The following ABCC3 variants were observed in gnomAD, a reference collection of about 807,000 sequenced individuals.
The protein encoded by ABCC3 is ATP binding cassette subfamily C member 3.
Under a neutral mutation model 165.3 loss-of-function variants are expected in ABCC3, and 121 were observed. That is an observed-to-expected ratio of 0.73 (90% confidence interval 0.63 to 0.85). The LOEUF (loss-of-function observed/expected upper bound fraction) is 0.85, where lower values mean the gene tolerates loss of function less well. ABCC3 is among the 40% of genes least tolerant of loss of function. The pLI, the probability that ABCC3 is intolerant of heterozygous loss-of-function variation, is 0.00. For missense variants in ABCC3, 1,869 were observed against 1,964.1 expected (o/e 0.95, Z 0.92); for synonymous variants, 733 against 810.1 (o/e 0.90, Z 1.62).
chr17:50,669,908 G>C (rs191339177), intron 17 of ABCC3, among the ~76,000 whole-genome samples: 2 of 151,954 alleles, frequency 1.3e-5, no homozygotes, highest in Admixed American at 6.6e-5. Flanking sequence ...TGATCCTCTC[G>C]CCTCAGCCTC....
At chr17:50,644,298 C>A (rs4423465) in intron 1 of ABCC3, among the ~76,000 whole-genome samples, 3 of 118,284 alleles carry the variant, frequency 2.5e-5, no homozygotes, top group African/African-American at 3.4e-5. Context: ...GTGACAGAGC[C>A]AGACTCCGTC....
At chr17:50,676,634 C>T (rs375564636) in intron 23 of ABCC3, 46 bp downstream of exon 23, 111 of 500,040 alleles carry the variant, frequency 2.2e-4, no homozygotes, top group African/African-American at 1.6e-3. Context: ...GTTATTGGGG[C>T]GGGGCAACAC....
chr17:50,667,635 G>A lies in ABCC3; in HGVS notation c.1513G>A (p.Ala505Thr), dbSNP rs200119778. The part of the protein sequence containing the change: ...LNGIKVLKLY[A>T]WEPSFLKQVE... The stretch of plus-strand genomic sequence containing the variant: ...CGGCATCAAGGTGCTGAAGCTGTAC[G>A]CCTGGGAGCCCAGCTTCCTGAAGCA... The change falls in exon 12 of 31, where the codon GCC becomes ACC. Residue 505 changes from alanine (A) to threonine (T), a missense_variant. By Grantham distance (58) the Ala-to-Thr change is moderately conservative. Transcript: ENST00000285238. 1 of 1,614,170 alleles carries A rather than the reference G, an allele frequency of 6.2e-7. No homozygotes were observed. The highest frequency in any genetic ancestry group is 8.5e-7 in the Non-Finnish European group (1 of 1,180,026).
In ABCC3 at chr17:50,660,996, C is replaced by G; in HGVS notation, c.880C>G (p.Pro294Ala). ...DEVLLGARPRPRKPSFLKALL... is the reference protein window; with the variant it reads ...DEVLLGARPRARKPSFLKALL... ...GGTGCTGCTGGGTGCCCGGCCCAGG[C>G]CCCGGAAGCCCTCCTTCCTGAAGGC... Residue 294 changes from proline (P) to alanine (A), a missense_variant, in exon 8 of 31, where the codon CCC becomes GCC. Physicochemically the swap from Pro to Ala is conservative, Grantham distance 27 (BLOSUM62 -1). Coordinates refer to ENST00000285238, the MANE Select transcript of ABCC3 (RefSeq NM_003786.4). 1 of 1,614,040 alleles carries G rather than the reference C, an allele frequency of 6.2e-7. No individual in the cohort carries two copies.
rs141186118 is a variant in ABCC3 at position 50,691,160 on chromosome 17, G to A, written c.4544G>A (p.Gly1515Asp). Residue 1515 changes from glycine to aspartate, a missense_variant, in exon 31 of 31, where the codon GGC (glycine) becomes GAC (aspartate). By Grantham distance (94) the Gly-to-Asp change is moderately conservative. Transcript: ENST00000285238. ...DSPANLIAAR[G>D]IFYGMARDAG... The stretch of plus-strand genomic sequence containing the variant: ...CCAGCCAACCTCATTGCAGCTAGAG[G>A]CATCTTCTACGGGATGGCCAGAGAT... 2 of 1,614,040 alleles carry A rather than the reference G, an allele frequency of 1.2e-6. No individual in the cohort carries two copies. Among genetic ancestry groups the A allele is most frequent in the Admixed American group, 1.7e-5 (1 of 60,006 alleles).
At chr17:50,636,754 G>A (rs747656442) in intron 1 of ABCC3, among the ~76,000 whole-genome samples, 12 of 152,238 alleles carry the variant, frequency 7.9e-5, no homozygotes, top group Non-Finnish European at 1.5e-4. Flanking sequence ...GGACCCCAGA[G>A]TTGGGAAATT....
chr17:50,650,934 G>A (rs935205338), intron 1 of ABCC3, among the ~76,000 whole-genome samples: 6 of 151,354 alleles, frequency 4.0e-5, no homozygotes, highest in South Asian at 2.1e-4. Flanking sequence ...GCGTGGTGGC[G>A]GGCACCTGTA....
rs1242034050 is a variant in ABCC3, at chr17:50,660,996, C to A, written c.880C>A (p.Pro294Thr). 2 of 1,614,040 alleles carry A rather than the reference C, an allele frequency of 1.2e-6. No individual in the cohort carries two copies. Among genetic ancestry groups the A allele is most frequent in the Admixed American group, 1.7e-5 (1 of 60,026 alleles). The part of the protein sequence containing the change: ...DEVLLGARPR[P>T]RKPSFLKALL... The stretch of plus-strand genomic sequence containing the variant: ...GGTGCTGCTGGGTGCCCGGCCCAGG[C>A]CCCGGAAGCCCTCCTTCCTGAAGGC... Residue 294 changes from proline (P) to threonine (T), a missense_variant, in exon 8 of 31, where the codon CCC becomes ACC. By Grantham distance (38) the Pro-to-Thr change is conservative. Transcript: ENST00000285238.
Position 50,657,063 on chromosome 17 carries a change from G to A in ABCC3, c.366G>A (p.Leu122=), listed in dbSNP as rs778793207. 1.2e-6 allele frequency: 2 copies of A among 1,613,956 alleles called. No homozygotes were observed. Among genetic ancestry groups the A allele is most frequent in the Non-Finnish European group, 1.7e-6 (2 of 1,179,926 alleles). ...CTGCACAGCTGCTGGCCACCCTGCT[G>A]ATACAGTATGAGCGGCTGCAGGGCG... ...VGVTMLLATL[L]IQYERLQGVQ... Residue 122 remains leucine (L), a synonymous_variant, in exon 4 of 31, where the codon CTG becomes CTA. Coordinates refer to ENST00000285238, the MANE Select transcript of ABCC3 (RefSeq NM_003786.4).
At chr17:50,657,975 T>C in intron 4 of ABCC3, 107 bp from the exon 5 acceptor site, 1 of 1,510,940 alleles carries the variant, frequency 6.6e-7, no homozygotes, top group Non-Finnish European at 9.0e-7. Flanking sequence ...CCCCAGGTGC[T>C]GCCTCCTGCC....
chr17:50,678,029 C>T, intron 24 of ABCC3, 64 bp from the exon 25 acceptor site: 1 of 1,614,014 alleles, frequency 6.2e-7, no homozygotes, highest in Non-Finnish European at 8.5e-7. Flanking sequence ...CCTCCTTTCC[C>T]CTAAGCAGAA....
chr17:50,687,758 G>T (rs758391849), intron 30 of ABCC3, 28 bp downstream of exon 30: 1 of 1,604,582 alleles, frequency 6.2e-7, no homozygotes, highest in Admixed American at 1.7e-5. Context: ...GAGCAATGGG[G>T]AACCTGGTGG....
chr17:50,673,980 C>CTTTCTTTCCTTCCTTCCT (rs1967725765), intron 19 of ABCC3, among the ~76,000 whole-genome samples: 1 of 9,408 alleles, frequency 1.1e-4, no homozygotes, highest in Non-Finnish European at 1.8e-4. Context: ...TTCTTTCTTT[C>CTTTCTTTCCTTCCTTCCT]TCTCTCTCTC....
intron 20 of ABCC3, 37 bp downstream of exon 20, chr17:50,675,513 G>A (rs1453718344): frequency 6.3e-7 from 1 of 1,599,600 alleles, no homozygotes; most frequent in African/African-American, 1.3e-5. Flanking sequence ...CCCGGAGGCT[G>A]TATCAGGCCT....
chr17:50,689,241 G>A (rs1968075738), intron 30 of ABCC3, among the ~76,000 whole-genome samples: 1 of 152,358 alleles, frequency 6.6e-6, no homozygotes, highest in East Asian at 1.9e-4. Flanking sequence ...CCTGGGAAAT[G>A]ACAGTGTCCT....
chr17:50,637,867 C>T (rs757795878), intron 1 of ABCC3, among the ~76,000 whole-genome samples: 15 of 152,088 alleles, frequency 9.9e-5, no homozygotes, highest in East Asian at 3.9e-4. Context: ...GTAGGGCTGT[C>T]GGGCCAGTGG....
At chr17:50,678,614 CA>C (rs1967874629) in intron 25 of ABCC3, among the ~76,000 whole-genome samples, 1 of 152,082 alleles carries the variant, frequency 6.6e-6, no homozygotes, top group Non-Finnish European at 1.5e-5. Flanking sequence ...GCTGGAGAAA[CA>C]AAATGTTTTA....
rs1254073242 is a variant in ABCC3 at position 50,678,114 on chromosome 17, G to T, written c.3600G>T (p.Glu1200Asp). Residue 1200 changes from glutamate (E) to aspartate (D), a missense_variant, in exon 25 of 31, where the codon GAG (glutamate) becomes GAT (aspartate). Glu to Asp is a conservative substitution (Grantham distance 45). Coordinates refer to ENST00000285238, the MANE Select transcript of ABCC3 (RefSeq NM_003786.4). ...ISNRWLSIGV[E>D]FVGNCVVLFA... ...ATAGGTGGCTGAGCATCGGAGTGGA[G>T]TTCGTGGGGAACTGCGTGGTGCTCT... 1 of 1,595,846 alleles carries T rather than the reference G, an allele frequency of 6.3e-7. No homozygotes were observed.
At chr17:50,652,255 C>G (rs959358518) in intron 1 of ABCC3, among the ~76,000 whole-genome samples, 7 of 152,158 alleles carry the variant, frequency 4.6e-5, no homozygotes, top group African/African-American at 1.7e-4. Flanking sequence ...ATTTAAATAT[C>G]TTAGCCATGT....
Sources: gnomAD v4.1 joint callset for allele counts (sites outside exome capture counted in the v4.1 genomes callset) on GRCh38, gnomAD v4.1.1 for gene constraint, MANE v1.5 for transcripts, NCBI Gene and HGNC (gene_info 2026-07-23, HGNC 2026-07-21) for gene names.